KCNH5: variants seen among roughly 807,000 people sequenced by gnomAD.
KCNH5 encodes the protein potassium voltage-gated channel subfamily H member 5.
Under a neutral mutation model 96.1 loss-of-function variants are expected in KCNH5, and 46 were observed. The observed-to-expected ratio is 0.48, with a 90% CI of 0.38 to 0.61. The LOEUF is 0.61. KCNH5 is among the 20% of genes least tolerant of loss of function. The probability of loss-of-function intolerance (pLI) is 0.00; values close to 1 mark genes in which losing one functional copy is unlikely to be tolerated. For synonymous variants in KCNH5, 439 were observed against 449.8 expected (o/e 0.98, Z 0.30); for missense variants, 907 against 1,225.8 (o/e 0.74, Z 3.88).
At chr14:62,757,249 T>C (rs141592929) in intron 10 of KCNH5, among the ~76,000 whole-genome samples, 3 of 152,280 alleles carry the variant, frequency 2.0e-5, no homozygotes, top group African/African-American at 7.2e-5. Flanking sequence ...CAATATCCTA[T>C]CACCCCATTT....
intron 1 of KCNH5, among the ~76,000 whole-genome samples, chr14:63,033,480 T>A (rs911827644): frequency 6.6e-6 from 1 of 152,198 alleles, no homozygotes; most frequent in African/African-American, 2.4e-5. Context: ...GGCCTCCCAA[T>A]TGGAATTAGA....
At chr14:63,043,059 G>T (rs963844985) in intron 1 of KCNH5, among the ~76,000 whole-genome samples, 1 of 152,102 alleles carries the variant, frequency 6.6e-6, no homozygotes, top group Admixed American at 6.5e-5. Flanking sequence ...GTGTAAAAAA[G>T]ATAAAATACT....
chr14:62,942,752 C>T (rs1043098776), intron 7 of KCNH5, among the ~76,000 whole-genome samples: 5 of 152,156 alleles, frequency 3.3e-5, no homozygotes, highest in African/African-American at 1.2e-4. Context: ...CAATTACATC[C>T]TATTTGAAAA....
At chr14:62,964,394 C>G (rs149893318) in intron 6 of KCNH5, among the ~76,000 whole-genome samples, 253 of 152,224 alleles carry the variant, frequency 1.7e-3, no homozygotes, top group Non-Finnish European at 2.9e-3. Context: ...ACCTCCTCAT[C>G]ACCCCAGTCA....
chr14:63,042,288 T>C (rs1283447720), intron 1 of KCNH5, among the ~76,000 whole-genome samples: 2 of 152,034 alleles, frequency 1.3e-5, no homozygotes, highest in East Asian at 3.8e-4. Context: ...AGACAAATCC[T>C]AAAAAAGAAG....
In KCNH5 at chr14:62,703,267, T is replaced by G. The variant is rs373998631; in HGVS notation, c.*4241A>C. ...ATTAACCTCTGACCAGATAAATCTC[T>G]TCTAAAACCTAAAAGAATATTTAGA... On this transcript the variant is annotated 3_prime_UTR_variant, in exon 11 of 11. Transcript: ENST00000322893. The G allele has an allele frequency of 4.0e-5, 6 of 151,894 alleles. No homozygotes were observed. Among genetic ancestry groups the G allele is most frequent in the African/African-American group, 1.4e-4 (6 of 41,440 alleles). 9.4% of individuals were successfully genotyped at this position (151,894 alleles called of 1,614,324 possible).
chr14:63,009,171 G>T (rs1891180613), intron 2 of KCNH5, among the ~76,000 whole-genome samples: 1 of 151,756 alleles, frequency 6.6e-6, no homozygotes, highest in African/African-American at 2.4e-5. Flanking sequence ...CAAGCAACTA[G>T]GATAAAAATT....
Position 62,939,041 on chromosome 14 carries a change from A to G in KCNH5, c.1369+11092T>C, listed in dbSNP as rs78704203. On this transcript the variant is annotated intron_variant, in intron 7 of 10. Transcript: ENST00000322893. ...AATAATACATTATTTTCCTTCATAT[A>G]GGAGAAAAAACGGTTTGGACCCCAT... Among the ~76,000 whole-genome samples the G allele has an allele frequency of 5.5e-3, 837 of 152,264 alleles. 21 individuals carry two copies. In the East Asian group the frequency reaches 0.08, roughly 15 times the overall value.
intron 10 of KCNH5, among the ~76,000 whole-genome samples, chr14:62,760,904 A>AT (rs1260170607): frequency 6.6e-6 from 1 of 152,178 alleles, no homozygotes; most frequent in African/African-American, 2.4e-5. Flanking sequence ...CAGAGTAGCT[A>AT]TTTTCTCATT....
chr14:63,003,062 A>G (rs1891040636), intron 3 of KCNH5, among the ~76,000 whole-genome samples: 1 of 152,188 alleles, frequency 6.6e-6, no homozygotes, highest in African/African-American at 2.4e-5. Context: ...CACTAAAAAA[A>G]TAAGTAATTT....
In KCNH5 at chr14:62,796,443, T is replaced by C. The variant is rs144289874; in HGVS notation, c.1822+5886A>G. Among the ~76,000 whole-genome samples, 1,249 of 152,282 alleles carry C rather than the reference T, an allele frequency of 8.2e-3. 16 individuals are homozygous for C. Among genetic ancestry groups the C allele is most frequent in the African/African-American group, 0.028 (1,172 of 41,560 alleles). Reference sequence around the variant, plus strand: ...ATTTATGCTCTTTTTCCCAACCCCATAACAATTTCAATCCCTCCTTCCAAA... The same window carrying C: ...ATTTATGCTCTTTTTCCCAACCCCACAACAATTTCAATCCCTCCTTCCAAA... On this transcript the variant is annotated intron_variant, in intron 9 of 10. Coordinates refer to ENST00000322893, the MANE Select transcript of KCNH5 (RefSeq NM_139318.5).
intron 8 of KCNH5, among the ~76,000 whole-genome samples, chr14:62,817,261 A>T (rs1293761230): frequency 2.2e-5 from 3 of 136,712 alleles, no homozygotes; most frequent in East Asian, 2.0e-4. Context: ...ATATATATAT[A>T]ATATATATAT....
At chr14:62,955,653 G>A (rs1220604372) in intron 6 of KCNH5, among the ~76,000 whole-genome samples, 1 of 152,062 alleles carries the variant, frequency 6.6e-6, no homozygotes, top group African/African-American at 2.4e-5. Flanking sequence ...TGCAATATTG[G>A]CTTAAACATG....
chr14:62,847,948 AAG>A, intron 8 of KCNH5, among the ~76,000 whole-genome samples: 1 of 152,198 alleles, frequency 6.6e-6, no homozygotes, highest in African/African-American at 2.4e-5. Flanking sequence ...GCATGTCCTC[AAG>A]GGGAGGCTTG....
chr14:62,727,550 T>TATATGAGGTATATTTTCATA (rs1884956105), intron 10 of KCNH5, among the ~76,000 whole-genome samples: 1 of 152,158 alleles, frequency 6.6e-6, no homozygotes, highest in South Asian at 2.1e-4. Flanking sequence ...GACATTTCTA[T>TATATGAGGTATATTTTCATA]ATATGAGGTA....
intron 10 of KCNH5, among the ~76,000 whole-genome samples, chr14:62,739,696 G>A (rs1477377569): frequency 2.6e-5 from 4 of 152,052 alleles, no homozygotes; most frequent in Non-Finnish European, 5.9e-5. Flanking sequence ...CAAAACACTT[G>A]TACAAGAAAG....
intron 9 of KCNH5, among the ~76,000 whole-genome samples, chr14:62,791,268 C>A (rs1289961044): frequency 2.6e-5 from 4 of 151,648 alleles, no homozygotes; most frequent in South Asian, 2.1e-4. Context: ...GTATGTAAAT[C>A]TTCCAAATCT....
intron 7 of KCNH5, among the ~76,000 whole-genome samples, chr14:62,870,785 A>G (rs995762578): frequency 6.6e-6 from 1 of 152,026 alleles, no homozygotes; most frequent in Admixed American, 6.6e-5. Context: ...ACTTAACCTT[A>G]AAAAAAACTC....
At chr14:62,760,507 C>T (rs957544304) in intron 10 of KCNH5, among the ~76,000 whole-genome samples, 3 of 152,160 alleles carry the variant, frequency 2.0e-5, no homozygotes, top group East Asian at 1.9e-4. Flanking sequence ...TTCCAGATTG[C>T]GAGTTTCCTA....
Sources: allele counts gnomAD v4.1 joint callset (sites outside exome capture counted in the v4.1 genomes callset), GRCh38; gene constraint gnomAD v4.1.1; transcripts MANE v1.5; gene names NCBI Gene and HGNC (gene_info 2026-07-23, HGNC 2026-07-21).